Variants in GRTP1 observed in about 807,000 individuals in gnomAD.
GRTP1 encodes the protein growth hormone-regulated TBC protein 1.
GRTP1 carries 56 observed loss-of-function variants against 38.1 expected under a neutral mutation model. That is an observed-to-expected ratio of 1.47 (90% CI 1.19 to 1.84). The LOEUF is 1.84. Ranked by LOEUF, GRTP1 falls within the 40% of genes most tolerant of loss-of-function variation. The pLI, the probability that GRTP1 is intolerant of heterozygous loss-of-function variation, is 0.00. For synonymous variants in GRTP1, 217 were observed against 189.5 expected, an observed-to-expected ratio of 1.14 and a Z score of -1.19; for missense variants, 506 against 453.9, an observed-to-expected ratio of 1.11 and a Z score of -1.04.
At chr13:113,351,107 G>T in intron 3 of GRTP1, 134 bp from the exon 4 acceptor site, 1 of 1,109,162 alleles carries the variant, frequency 9.0e-7, no homozygotes, top group Non-Finnish European at 1.3e-6. Context: ...CCGCACAGCA[G>T]ACTCAACACA....
chr13:113,333,564 G>C (rs2042906242), intron 5 of GRTP1, among the ~76,000 whole-genome samples: 1 of 152,096 alleles, frequency 6.6e-6, no homozygotes, highest in Non-Finnish European at 1.5e-5. Context: ...GAGAGCAGTG[G>C]CGTGATCTCG....
In GRTP1 at chr13:113,327,876, GAC is replaced by G. The variant is rs1457742357; in HGVS notation, c.563-1787_563-1786del. Among the ~76,000 whole-genome samples, 7 of 152,220 alleles carry G rather than the reference GAC, an allele frequency of 4.6e-5. No individual in the cohort carries two copies. The East Asian group carries it at 1.2e-3, about 25-fold the overall frequency. The stretch of plus-strand genomic sequence containing the variant: ...TGCCAGGCAGCAGGGGGTCTGCAGA[GAC>G]ACACAGCCTGACCTTGGCCCCAGAC... On this transcript the variant is annotated intron_variant, in intron 5 of 7. Transcript: ENST00000375431.
rs1311182694 is a variant in GRTP1 at position 113,355,457 on chromosome 13, A to G, written c.206T>C (p.Val69Ala). ...GACGCGGGCACGGTGCTCCAGCGGG[A>G]CCCCTTTCCGGACATAGCGCTTCAC... ...RTVKRYVRKG[V>A]PLEHRARVWM... is the part of the protein sequence containing the mutation. The change falls in exon 3 of 8, where the codon GTC (valine) becomes GCC (alanine). Residue 69 changes from valine (V) to alanine (A), a missense_variant. Coordinates refer to ENST00000375431, the MANE Select transcript of GRTP1 (RefSeq NM_024719.4). 12 of 1,613,014 alleles carry G rather than the reference A, an allele frequency of 7.4e-6. No individual in the cohort carries two copies. The highest frequency in any genetic ancestry group is 1.0e-5 in the Non-Finnish European group (12 of 1,179,462).
intron 5 of GRTP1, among the ~76,000 whole-genome samples, chr13:113,330,748 G>A (rs373485834): frequency 0.044 from 16 of 362 alleles, 8 homozygotes; most frequent in South Asian, 0.25. Context: ...GTGTGCATGG[G>A]AGCCCAGGTG....
rs1386523961 is a variant in GRTP1 at position 113,342,274 on chromosome 13, G to T, written c.562+2589C>A. Among the ~76,000 whole-genome samples, 2 of 152,116 alleles carry T rather than the reference G, an allele frequency of 1.3e-5. No individual in the cohort carries two copies. The highest frequency in any genetic ancestry group is 1.3e-4 in the Admixed American group (2 of 15,270). On this transcript the variant is annotated intron_variant, in intron 5 of 7. Transcript: ENST00000375431. The surrounding 1 kb of genome is among the most constrained non-coding windows in gnomAD (Gnocchi z 4.5). ...ATAAAAAGTACTGTTGGGAGGCCGA[G>T]GCAGGCGGATCACGAGGTCAGGAGA... is the stretch of plus-strand genomic sequence containing the variant.
intron 5 of GRTP1, among the ~76,000 whole-genome samples, chr13:113,333,849 G>T (rs1218163029): frequency 9.6e-4 from 115 of 119,564 alleles, no homozygotes; most frequent in African/African-American, 3.5e-3. Context: ...GTGTGTGTGT[G>T]TGTGTGTGTG....
intron 3 of GRTP1, among the ~76,000 whole-genome samples, chr13:113,354,106 A>C (rs1337593797): frequency 6.6e-6 from 1 of 152,188 alleles, no homozygotes; most frequent in East Asian, 1.9e-4. Context: ...AAAAAACCAC[A>C]AAACAGAGAC....
rs146587409 is a variant in GRTP1, at chr13:113,332,047, T to C, written c.563-5956A>G. Reference sequence around the variant, plus strand: ...ACTCTGGGAGGCCGAGGTGGGAGGATTGCTTGAGCCCAGGAGTTCCAGACC... The same window carrying C: ...ACTCTGGGAGGCCGAGGTGGGAGGACTGCTTGAGCCCAGGAGTTCCAGACC... On this transcript the variant is annotated intron_variant, in intron 5 of 7. Coordinates refer to ENST00000375431, the MANE Select transcript of GRTP1 (RefSeq NM_024719.4). Among the ~76,000 whole-genome samples, 473 of 151,544 alleles carry C rather than the reference T, an allele frequency of 3.1e-3. 1 individual carries two copies. Among genetic ancestry groups the C allele is most frequent in the African/African-American group, 0.011 (453 of 41,370 alleles).
At chr13:113,326,435 C>T (rs575754179) in intron 5 of GRTP1, among the ~76,000 whole-genome samples, 17 of 131,024 alleles carry the variant, frequency 1.3e-4, no homozygotes, top group African/African-American at 4.2e-4. Flanking sequence ...TTTGGGAGGC[C>T]GAGGCGGGTG....
At chr13:113,344,653 C>T (rs973255923) in intron 5 of GRTP1, among the ~76,000 whole-genome samples, 7 of 126,032 alleles carry the variant, frequency 5.6e-5, no homozygotes, top group East Asian at 2.5e-4. Context: ...GCAGAGGTTC[C>T]AGTCAGCCAA....
In GRTP1 at chr13:113,342,305, A is replaced by G. The variant is rs918526268; in HGVS notation, c.562+2558T>C. Among the ~76,000 whole-genome samples, 3 of 151,994 alleles carry G rather than the reference A, an allele frequency of 2.0e-5. No homozygotes were observed. The highest frequency in any genetic ancestry group is 1.9e-4 in the East Asian group (1 of 5,168). ...CGGATCACGAGGTCAGGAGATCGAG[A>G]CCATCCTGGCTAACACGGTGAAACC... On this transcript the variant is annotated intron_variant, in intron 5 of 7. Transcript: ENST00000375431. The surrounding 1 kb of genome is among the most constrained non-coding windows in gnomAD (Gnocchi z 4.5).
At chr13:113,344,714 A>AAT (rs2043073908) in intron 5 of GRTP1, 149 bp downstream of exon 5, 1 of 326,372 alleles carries the variant, frequency 3.1e-6, no homozygotes, top group Non-Finnish European at 5.3e-6. Flanking sequence ...CTCCGTCTCA[A>AAT]AAAAAAAAAA....
In GRTP1 at chr13:113,327,878, C is replaced by G. The variant is rs1016086154; in HGVS notation, c.563-1787G>C. On this transcript the variant is annotated intron_variant, in intron 5 of 7. Transcript: ENST00000375431. ...CCAGGCAGCAGGGGGTCTGCAGAGACACACAGCCTGACCTTGGCCCCAGAC... is the reference window on the plus strand; with the variant it reads ...CCAGGCAGCAGGGGGTCTGCAGAGAGACACAGCCTGACCTTGGCCCCAGAC... Among the ~76,000 whole-genome samples, 17 of 152,324 alleles carry G rather than the reference C, an allele frequency of 1.1e-4. 1 individual carries two copies. The highest frequency in any genetic ancestry group is 2.1e-4 in the South Asian group (1 of 4,828).
chr13:113,329,490 CAGG>C (rs1183694073), intron 5 of GRTP1, among the ~76,000 whole-genome samples: 8 of 152,176 alleles, frequency 5.3e-5, no homozygotes, highest in Non-Finnish European at 8.8e-5. Context: ...GGAGGCTGAG[CAGG>C]AGAATTGCTT....
intron 5 of GRTP1, among the ~76,000 whole-genome samples, chr13:113,327,218 C>T (rs193131688): frequency 2.6e-5 from 4 of 152,140 alleles, no homozygotes; most frequent in East Asian, 1.9e-4. Flanking sequence ...GCTCTGTCAC[C>T]GAGGCTGGAA....
chr13:113,343,584 A>T lies in GRTP1; in HGVS notation c.562+1279T>A, dbSNP rs1320881228. 6.6e-6 allele frequency among the ~76,000 whole-genome samples: 1 copy of T among 152,202 alleles called. No individual in the cohort carries two copies. Among genetic ancestry groups the T allele is most frequent in the Non-Finnish European group, 1.5e-5 (1 of 68,032 alleles). ...GCCAGGATCTGAACCAGGCTCTGCC[A>T]TGTACAGCGGTGGTCAGGCCAGCAC... On this transcript the variant is annotated intron_variant, in intron 5 of 7. Coordinates refer to ENST00000375431, the MANE Select transcript of GRTP1 (RefSeq NM_024719.4). The surrounding 1 kb of genome is among the most constrained non-coding windows in gnomAD (Gnocchi z 4.8).
rs751150377 is a variant in GRTP1 at position 113,324,457 on chromosome 13, T to C, written c.*31A>G. 1 of 1,575,320 alleles carries C rather than the reference T, an allele frequency of 6.3e-7. No individual in the cohort carries two copies. Among genetic ancestry groups the C allele is most frequent in the Non-Finnish European group, 8.6e-7 (1 of 1,160,542 alleles). On this transcript the variant is annotated 3_prime_UTR_variant, in exon 8 of 8. Coordinates refer to ENST00000375431, the MANE Select transcript of GRTP1 (RefSeq NM_024719.4). ...ACTCTGGAAAGGGGCATCGTCAGTG[T>C]AGAGACGAGCAACGCAGGGGACAGG...
intron 5 of GRTP1, among the ~76,000 whole-genome samples, chr13:113,333,373 A>G (rs1235549118): frequency 6.6e-6 from 1 of 152,238 alleles, no homozygotes; most frequent in Non-Finnish European, 1.5e-5. Context: ...GGATCCAGTC[A>G]CAACCTTTGC....
intron 5 of GRTP1, 111 bp from the exon 6 acceptor site, chr13:113,326,202 CAAG>C: frequency 7.5e-7 from 1 of 1,341,074 alleles, no homozygotes; most frequent in Non-Finnish European, 1.0e-6. Context: ...GGACCCCTCC[CAAG>C]AGGGAGGGAC....
Sources: allele counts gnomAD v4.1 joint callset (sites outside exome capture counted in the v4.1 genomes callset), GRCh38; gene constraint gnomAD v4.1.1; non-coding constraint Gnocchi (gnomAD v3.1); transcripts MANE v1.5; gene names NCBI Gene and HGNC (gene_info 2026-07-23, HGNC 2026-07-21).